The following NXPH1 variants were observed in gnomAD, a reference collection of about 807,000 sequenced individuals.
The protein encoded by NXPH1 is neurexophilin 1.
NXPH1 carries 5 observed loss-of-function variants against 23.7 expected under a neutral mutation model. The ratio of observed to expected loss-of-function variants is 0.21; its 90% CI spans 0.11 to 0.44. The LOEUF is 0.44. Among genes scored for constraint, NXPH1 ranks in the 20% least tolerant of loss-of-function variants. NXPH1 has a pLI of 0.99. For synonymous variants in NXPH1, 144 were observed against 122.2 expected (o/e 1.18, Z -1.18); for missense variants, 324 against 321.6 (o/e 1.01, Z -0.06).
intron 2 of NXPH1, among the ~76,000 whole-genome samples, chr7:8,684,604 C>T (rs1001024535): frequency 4.6e-5 from 7 of 152,148 alleles, no homozygotes; most frequent in African/African-American, 1.7e-4. Flanking sequence ...GGCACACTTA[C>T]AGAACAGTAA....
At chr7:8,686,579 T>G (rs907250128) in intron 2 of NXPH1, among the ~76,000 whole-genome samples, 1 of 152,096 alleles carries the variant, frequency 6.6e-6, no homozygotes, top group Non-Finnish European at 1.5e-5. Context: ...TTTAAGTAAT[T>G]GTTCATATCA....
chr7:8,530,059 C>T (rs1044114169), intron 2 of NXPH1, among the ~76,000 whole-genome samples: 1 of 152,134 alleles, frequency 6.6e-6, no homozygotes, highest in Non-Finnish European at 1.5e-5. Context: ...TCTTTTAGCT[C>T]ATTCTGTATC....
intron 2 of NXPH1, among the ~76,000 whole-genome samples, chr7:8,603,313 A>G (rs1339338287): frequency 6.6e-6 from 1 of 152,330 alleles, no homozygotes; most frequent in African/African-American, 2.4e-5. Flanking sequence ...ATAGAAATAC[A>G]GTTAAGTATT....
chr7:8,589,760 C>T (rs553375308), intron 2 of NXPH1, among the ~76,000 whole-genome samples: 14 of 152,138 alleles, frequency 9.2e-5, no homozygotes, highest in African/African-American at 3.1e-4. Context: ...ACAAACAGAC[C>T]AGAGAGCAGG....
chr7:8,749,668 C>A (rs1055133529), intron 2 of NXPH1, among the ~76,000 whole-genome samples: 1 of 152,116 alleles, frequency 6.6e-6, no homozygotes, highest in Non-Finnish European at 1.5e-5. Context: ...GTATCTGAGA[C>A]AAGACTCAGA....
intron 2 of NXPH1, among the ~76,000 whole-genome samples, chr7:8,611,485 G>A (rs955951404): frequency 1.1e-4 from 16 of 152,134 alleles, no homozygotes; most frequent in African/African-American, 3.4e-4. Context: ...ACAGAGAATC[G>A]TTTGGATTGT....
Position 8,710,905 on chromosome 7 carries a change from A to G in NXPH1, c.55-40103A>G, listed in dbSNP as rs560131257. Among the ~76,000 whole-genome samples the G allele has an allele frequency of 5.7e-4, 81 of 142,818 alleles. 3 individuals carry two copies. The highest frequency in any genetic ancestry group is 2.7e-3 in the South Asian group (12 of 4,438). 93.7% of individuals were successfully genotyped at this position (142,818 alleles called of 152,430 possible). On this transcript the variant is annotated intron_variant, in intron 2 of 2. Transcript: ENST00000405863. Reference sequence around the variant, plus strand: ...TCTCGATCTCCTGACCTCATGATCCACCCGCCTCGGCCTCCCAAAGTGCTG... The same window carrying G: ...TCTCGATCTCCTGACCTCATGATCCGCCCGCCTCGGCCTCCCAAAGTGCTG...
At chr7:8,656,535 GTTTT>G (rs1820585325) in intron 2 of NXPH1, among the ~76,000 whole-genome samples, 2 of 134,546 alleles carry the variant, frequency 1.5e-5, no homozygotes, top group African/African-American at 5.5e-5. Context: ...TCAGAGGGTG[GTTTT>G]TCTTTTTTTT....
At chr7:8,565,748 T>C (rs1356018569) in intron 2 of NXPH1, among the ~76,000 whole-genome samples, 1 of 151,846 alleles carries the variant, frequency 6.6e-6, no homozygotes, top group Non-Finnish European at 1.5e-5. Flanking sequence ...AATAAACTTA[T>C]ACTACCTCTT....
At chr7:8,619,063 A>C (rs551493987) in intron 2 of NXPH1, among the ~76,000 whole-genome samples, 2 of 152,302 alleles carry the variant, frequency 1.3e-5, no homozygotes, top group South Asian at 4.1e-4. Context: ...CTGTGACATT[A>C]ATGTGCTATT....
chr7:8,471,202 G>T (rs992402818), intron 2 of NXPH1, among the ~76,000 whole-genome samples: 3 of 152,102 alleles, frequency 2.0e-5, no homozygotes, highest in Non-Finnish European at 2.9e-5. Flanking sequence ...AAAACAATGG[G>T]ATGTGGTCAC....
intron 2 of NXPH1, among the ~76,000 whole-genome samples, chr7:8,676,179 T>C (rs1583225827): frequency 6.6e-6 from 1 of 152,218 alleles, no homozygotes; most frequent in East Asian, 1.9e-4. Context: ...GTATTATAAA[T>C]TGAATAACCA....
intron 2 of NXPH1, among the ~76,000 whole-genome samples, chr7:8,604,963 C>G (rs1318123433): frequency 1.9e-4 from 29 of 151,998 alleles, no homozygotes; most frequent in Admixed American, 1.9e-3. Context: ...CATTTTTTCT[C>G]CACCATTTTA....
intron 2 of NXPH1, among the ~76,000 whole-genome samples, chr7:8,604,852 G>A (rs1007062996): frequency 3.3e-5 from 5 of 152,110 alleles, no homozygotes; most frequent in Admixed American, 2.6e-4. Context: ...TTAGAAGTCT[G>A]TAGCCTCAAA....
chr7:8,485,006 T>G (rs779807236), intron 2 of NXPH1, among the ~76,000 whole-genome samples: 3 of 152,130 alleles, frequency 2.0e-5, no homozygotes, highest in Non-Finnish European at 4.4e-5. Flanking sequence ...TACCTTGAAT[T>G]ATAATAATCA....
At chr7:8,703,101 G>A (rs1260846954) in intron 2 of NXPH1, among the ~76,000 whole-genome samples, 1 of 152,056 alleles carries the variant, frequency 6.6e-6, no homozygotes, top group African/African-American at 2.4e-5. Flanking sequence ...CATATCCCTA[G>A]TAATTGAAGT....
In NXPH1 at chr7:8,450,688, A is replaced by G. The variant is rs976560375; in HGVS notation, c.54+14921A>G. On this transcript the variant is annotated intron_variant, in intron 2 of 2. Coordinates refer to ENST00000405863, the MANE Select transcript of NXPH1 (RefSeq NM_152745.3). ...GTTATGCCTTGGGGCAAAAAATTAA[A>G]TGTTCCATTTTGCAGCAGTATCATC... is the stretch of plus-strand genomic sequence containing the variant. Among the ~76,000 whole-genome samples the G allele has an allele frequency of 2.0e-5, 3 of 152,256 alleles. 1 individual carries two copies. In the East Asian group the frequency reaches 5.8e-4, roughly 29 times the overall value.
intron 2 of NXPH1, among the ~76,000 whole-genome samples, chr7:8,654,584 T>G (rs1820543448): frequency 6.6e-6 from 1 of 152,088 alleles, no homozygotes; most frequent in East Asian, 1.9e-4. Context: ...TTTGCTGGAG[T>G]TCCTCCTCTT....
At chr7:8,496,516 G>T (rs1453293787) in intron 2 of NXPH1, among the ~76,000 whole-genome samples, 1 of 152,036 alleles carries the variant, frequency 6.6e-6, no homozygotes, top group Non-Finnish European at 1.5e-5. Flanking sequence ...CTTGAGACCT[G>T]CCCAAGTCTT....
Sources: gnomAD v4.1 joint callset for allele counts (sites outside exome capture counted in the v4.1 genomes callset) on GRCh38, gnomAD v4.1.1 for gene constraint, MANE v1.5 for transcripts, NCBI Gene and HGNC (gene_info 2026-07-23, HGNC 2026-07-21) for gene names.